The following NTPCR variants were observed in gnomAD, a reference collection of about 807,000 sequenced individuals.
NTPCR encodes cancer-related nucleoside-triphosphatase.
NTPCR carries 15 observed loss-of-function variants against 19.5 expected under a neutral mutation model. The observed-to-expected ratio is 0.77, with a 90% CI of 0.51 to 1.18. The LOEUF (loss-of-function observed/expected upper bound fraction) is 1.18. Ranked by LOEUF, NTPCR falls within the 50% of genes most tolerant of loss-of-function variation. The pLI, the probability that NTPCR is intolerant of heterozygous loss-of-function variation, is 0.00. For synonymous variants in NTPCR, 90 were observed against 95.8 expected, an observed-to-expected ratio of 0.94 and a Z score of 0.36; for missense variants, 206 against 240.4, an observed-to-expected ratio of 0.86 and a Z score of 0.95.
chr1:232,950,845 C>A, intron 1 of NTPCR, 101 bp downstream of exon 1: 1 of 730,064 alleles, frequency 1.4e-6, no homozygotes, highest in Non-Finnish European at 2.2e-6. Context: ...GGCTCCAGGG[C>A]TCCGGCCTCT....
rs181770197 is a variant in NTPCR, at chr1:232,971,815, A to G, written c.504+1697A>G. ...TCTCTTCAAGGAGGTGACATTTGAG[A>G]GCCCTGAAAAGTCTGTGGGGTTCTT... On this transcript the variant is annotated intron_variant, in intron 4 of 4. Coordinates refer to ENST00000366628, the MANE Select transcript of NTPCR (RefSeq NM_032324.3). Among the ~76,000 whole-genome samples, 4 of 152,318 alleles carry G rather than the reference A, an allele frequency of 2.6e-5. No individual in the cohort carries two copies. The East Asian group carries it at 7.7e-4, about 29-fold the overall frequency.
intron 1 of NTPCR, among the ~76,000 whole-genome samples, chr1:232,953,049 C>G (rs1668415765): frequency 6.6e-6 from 1 of 152,194 alleles, no homozygotes; most frequent in South Asian, 2.1e-4. Flanking sequence ...GACAGGATAA[C>G]TGAGCCACTT....
intron 4 of NTPCR, chr1:232,976,648 C>T (rs1669131666): frequency 7.3e-7 from 1 of 1,372,344 alleles, no homozygotes. Context: ...CAAGTGGAGC[C>T]ACAGCCGCCC....
At chr1:232,966,346 TTAAAA>T (rs1282982321) in intron 3 of NTPCR, 1 of 152,172 alleles carries the variant, frequency 6.6e-6, no homozygotes, top group Non-Finnish European at 1.5e-5. Context: ...GTGTCTGATA[TTAAAA>T]TAAAACAATC....
At position 232,980,541 on chromosome 1, in the gene NTPCR, G is replaced by A. The variant is rs926521460; in HGVS notation, c.*2310G>A. 1.3e-5 allele frequency: 2 copies of A among 152,340 alleles called. No homozygotes were observed. The highest frequency in any genetic ancestry group is 6.5e-5 in the Admixed American group (1 of 15,308). 9.4% of individuals were successfully genotyped at this position (152,340 alleles called of 1,614,324 possible). A position where few individuals can be genotyped will look rare whatever the true frequency, so the allele number is the denominator to read the frequency against. On this transcript the variant is annotated 3_prime_UTR_variant, in exon 5 of 5. Coordinates refer to ENST00000366628, the MANE Select transcript of NTPCR (RefSeq NM_032324.3). Reference sequence around the variant, plus strand: ...AACGTTTAGTGTCTCTTGTGGTGAGGTCCTGAAATGATTGTTGTATTAGTC... The same window carrying A: ...AACGTTTAGTGTCTCTTGTGGTGAGATCCTGAAATGATTGTTGTATTAGTC...
chr1:232,980,436 C>A lies in NTPCR; in HGVS notation c.*2205C>A, dbSNP rs552758539. ...ACTCCCTGCTGCGTCCTTCTTGAGG[C>A]TTTAGCATTTTTAGTGTGTTTTGTG... On this transcript the variant is annotated 3_prime_UTR_variant, in exon 5 of 5. Coordinates refer to ENST00000366628, the MANE Select transcript of NTPCR (RefSeq NM_032324.3). 1.4e-4 allele frequency: 22 copies of A among 152,312 alleles called. No individual in the cohort carries two copies. Among genetic ancestry groups the A allele is most frequent in the African/African-American group, 5.3e-4 (22 of 41,568 alleles). The allele number at this position is 152,312 out of a possible 1,614,324, so 9.4% of individuals were successfully genotyped here. A position where few individuals can be genotyped will look rare whatever the true frequency, so the allele number is the denominator to read the frequency against.
In NTPCR at chr1:232,978,823, C is replaced by T. The variant is rs1465848694; in HGVS notation, c.*592C>T. 1.3e-5 allele frequency: 2 copies of T among 152,236 alleles called. No individual in the cohort carries two copies. The highest frequency in any genetic ancestry group is 1.5e-5 in the Non-Finnish European group (1 of 68,092). 9.4% of individuals were successfully genotyped at this position (152,236 alleles called of 1,614,324 possible). A position where few individuals can be genotyped will look rare whatever the true frequency, so the allele number is the denominator to read the frequency against. On this transcript the variant is annotated 3_prime_UTR_variant, in exon 5 of 5. Transcript: ENST00000366628. ...CAGGAGGCATTGTGTGGGAGGAATA[C>T]ACAACCTTTGGAAGTGTTGATAGCA...
intron 3 of NTPCR, chr1:232,969,559 G>C (rs1668915461): frequency 4.5e-6 from 1 of 220,050 alleles, no homozygotes; most frequent in African/African-American, 2.2e-5. Flanking sequence ...ACAAGTCTTG[G>C]CTAAAGGGGA....
chr1:232,977,015 C>T (rs567529276), intron 4 of NTPCR: 37 of 155,094 alleles, frequency 2.4e-4, no homozygotes, highest in African/African-American at 6.7e-4. Context: ...CCAGAATTGA[C>T]GAGGTCCGCT....
chr1:232,960,944 A>G (rs1014138692), intron 3 of NTPCR, among the ~76,000 whole-genome samples: 2 of 152,242 alleles, frequency 1.3e-5, no homozygotes, highest in Non-Finnish European at 2.9e-5. Context: ...AAGTTAGCCA[A>G]TGTTAGCTTA....
chr1:232,953,562 C>T (rs369281589), intron 1 of NTPCR, among the ~76,000 whole-genome samples: 6 of 151,806 alleles, frequency 4.0e-5, no homozygotes, highest in South Asian at 2.1e-4. Context: ...AAAATATAAA[C>T]GGCAATTTTT....
intron 3 of NTPCR, 106 bp from the exon 4 acceptor site, chr1:232,969,803 G>T: frequency 2.2e-6 from 2 of 918,992 alleles, no homozygotes; most frequent in Non-Finnish European, 3.5e-6. Flanking sequence ...CAGTAAAAAG[G>T]TTTCTGTCTT....
chr1:232,982,611 C>T lies in NTPCR; in HGVS notation c.*4380C>T, dbSNP rs1326581431. On this transcript the variant is annotated 3_prime_UTR_variant, in exon 5 of 5. Transcript: ENST00000366628. ...TGGAGGAGCACCCAGGGTGCTCTTG[C>T]TCTCTTGCCTGCGCTGCCATTTCCT... 1 of 152,252 alleles carries T rather than the reference C, an allele frequency of 6.6e-6. No homozygotes were observed. Among genetic ancestry groups the T allele is most frequent in the East Asian group, 1.9e-4 (1 of 5,196 alleles). 9.4% of individuals were successfully genotyped at this position (152,252 alleles called of 1,614,324 possible).
intron 3 of NTPCR, among the ~76,000 whole-genome samples, chr1:232,960,686 C>T (rs930281769): frequency 2.6e-5 from 4 of 151,974 alleles, no homozygotes; most frequent in Non-Finnish European, 4.4e-5. Flanking sequence ...GCATCGTGGT[C>T]GCTCGTGAGA....
intron 3 of NTPCR, among the ~76,000 whole-genome samples, chr1:232,959,471 G>T (rs185617079): frequency 1.1e-3 from 161 of 152,092 alleles, no homozygotes; most frequent in African/African-American, 3.7e-3. Flanking sequence ...TCAGGGTCAT[G>T]GATTTCTTTT....
intron 4 of NTPCR, chr1:232,976,789 G>C: frequency 2.8e-6 from 1 of 362,770 alleles, no homozygotes; most frequent in Non-Finnish European, 4.9e-6. Flanking sequence ...GACGCAGCCA[G>C]GACCAGTAGA....
chr1:232,972,696 GAAT>G (rs1669017760), intron 4 of NTPCR, among the ~76,000 whole-genome samples: 1 of 152,062 alleles, frequency 6.6e-6, no homozygotes, highest in African/African-American at 2.4e-5. Flanking sequence ...CAAAGTGTTG[GAAT>G]TATAGGCATG....
intron 4 of NTPCR, among the ~76,000 whole-genome samples, chr1:232,976,083 A>C (rs1669114143): frequency 6.6e-6 from 1 of 152,216 alleles, no homozygotes; most frequent in Admixed American, 6.5e-5. Flanking sequence ...AGGGAAATCA[A>C]AGGGAGTATC....
At chr1:232,959,998 G>T (rs1044019630) in intron 3 of NTPCR, among the ~76,000 whole-genome samples, 5 of 151,906 alleles carry the variant, frequency 3.3e-5, no homozygotes, top group African/African-American at 1.2e-4. Flanking sequence ...ATAACTTCAG[G>T]CCAGGAGTTT....
Sources: gnomAD v4.1 joint callset for allele counts (sites outside exome capture counted in the v4.1 genomes callset) on GRCh38, gnomAD v4.1.1 for gene constraint, MANE v1.5 for transcripts, NCBI Gene and HGNC (gene_info 2026-07-23, HGNC 2026-07-21) for gene names.